Variants in AAK1 observed in about 807,000 individuals in gnomAD.
AAK1 encodes the protein AP2-associated protein kinase 1.
Under a neutral mutation model 116.0 loss-of-function variants are expected in AAK1, and 37 were observed. That is an observed-to-expected ratio of 0.32 (90% CI 0.25 to 0.42). The LOEUF is 0.42. Ranked by LOEUF, AAK1 falls within the 10% of genes least tolerant of loss-of-function variation. The pLI is 1.00. For synonymous variants in AAK1, 458 were observed against 439.9 expected, an observed-to-expected ratio of 1.04 and a Z score of -0.51; for missense variants, 919 against 1,170.6, an observed-to-expected ratio of 0.79 and a Z score of 3.14.
chr2:69,472,506 A>C lies in AAK1; in HGVS notation c.*3363T>G. 1.5e-6 allele frequency: 1 copy of C among 665,208 alleles called. No individual in the cohort carries two copies. Among genetic ancestry groups the C allele is most frequent in the Non-Finnish European group, 1.9e-6 (1 of 537,738 alleles). 41.2% of individuals were successfully genotyped at this position (665,208 alleles called of 1,614,324 possible). On this transcript the variant is annotated 3_prime_UTR_variant, in exon 22 of 22. Transcript: ENST00000409085. Reference sequence around the variant, plus strand: ...AAAACTAGATGACATTGAGGGGAACAACACTTAATTAGATGTCAAAATTCT... The same window carrying C: ...AAAACTAGATGACATTGAGGGGAACCACACTTAATTAGATGTCAAAATTCT...
chr2:69,470,022 A>G lies in AAK1; in HGVS notation c.*5847T>C. ...AACCCAAAGTGCTGAATCATTTAGG[A>G]TGGGTTTCCCCTGGAAACTCCATCT... On this transcript the variant is annotated 3_prime_UTR_variant, in exon 22 of 22. Coordinates refer to ENST00000409085, the MANE Select transcript of AAK1 (RefSeq NM_014911.5). 1.0e-6 allele frequency: 1 copy of G among 985,430 alleles called. No homozygotes were observed. The highest frequency in any genetic ancestry group is 1.2e-6 in the Non-Finnish European group (1 of 829,926). 61.0% of individuals were successfully genotyped at this position (985,430 alleles called of 1,614,324 possible).
intron 3 of AAK1, among the ~76,000 whole-genome samples, chr2:69,546,216 A>T (rs1356234173): frequency 1.3e-5 from 2 of 152,214 alleles, no homozygotes; most frequent in Non-Finnish European, 2.9e-5. Context: ...TTTTTGGTAG[A>T]GAACAAGGTC....
intron 2 of AAK1, among the ~76,000 whole-genome samples, chr2:69,558,049 C>T (rs146255807): frequency 0.011 from 1,655 of 152,232 alleles, 35 homozygotes; most frequent in African/African-American, 0.038. Context: ...AATTCATTAA[C>T]AGAAATATAT....
At chr2:69,487,470 G>T (rs777717803) in intron 17 of AAK1, among the ~76,000 whole-genome samples, 1 of 152,116 alleles carries the variant, frequency 6.6e-6, no homozygotes. Flanking sequence ...CATCAATCAC[G>T]CTTCACATCA....
chr2:69,481,037 A>T, intron 18 of AAK1, 76 bp from the exon 19 acceptor site: 1 of 1,229,108 alleles, frequency 8.1e-7, no homozygotes, highest in Non-Finnish European at 1.1e-6. Flanking sequence ...AATTCTGTGA[A>T]GCTTTCTTCT....
chr2:69,531,703 T>A, intron 6 of AAK1: 1 of 1,035,694 alleles, frequency 9.7e-7, no homozygotes, highest in East Asian at 8.2e-5. Flanking sequence ...GTTGTTGTGA[T>A]CATACTTAAA....
In AAK1 at chr2:69,466,184, T is replaced by G. The variant is rs193001280; in HGVS notation, c.*9685A>C. The G allele has an allele frequency of 7.5e-4, 967 of 1,289,864 alleles. 2 individuals are homozygous for G. Among genetic ancestry groups the G allele is most frequent in the Non-Finnish European group, 9.4e-4 (933 of 988,874 alleles). 79.9% of individuals were successfully genotyped at this position (1,289,864 alleles called of 1,614,324 possible). On this transcript the variant is annotated 3_prime_UTR_variant, in exon 22 of 22. Transcript: ENST00000409085. ...TGAAGGCTTGAAACTGGTTCTTTCT[T>G]CCACCTTGCACTGTCTTTGCTTGCT... is the stretch of plus-strand genomic sequence containing the variant.
At chr2:69,545,172 G>A in intron 3 of AAK1, among the ~76,000 whole-genome samples, 1 of 152,182 alleles carries the variant, frequency 6.6e-6, no homozygotes, top group East Asian at 1.9e-4. Context: ...GGAACTGCAT[G>A]TGATCTCTTA....
chr2:69,476,867 T>A lies in AAK1; in HGVS notation c.2791+13A>T. 6.3e-7 allele frequency: 1 copy of A among 1,599,218 alleles called. No homozygotes were observed. Among genetic ancestry groups the A allele is most frequent in the South Asian group, 1.1e-5 (1 of 90,210 alleles). ...AGGCCAAGCTCTTCTCTTTTCCCCA[T>A]CCTTTTTCTTACCTTGTGGGTTTTT... On this transcript the variant is annotated intron_variant, in intron 21 of 21. Coordinates refer to ENST00000409085, the MANE Select transcript of AAK1 (RefSeq NM_014911.5).
At chr2:69,595,799 G>A (rs139996118) in intron 2 of AAK1, among the ~76,000 whole-genome samples, 4,319 of 152,326 alleles carry the variant, frequency 0.028, 214 homozygotes, top group African/African-American at 0.098. Context: ...TGCCATCTAA[G>A]ACTTTCATAG....
chr2:69,467,647 T>C lies in AAK1; in HGVS notation c.*8222A>G, dbSNP rs560342290. The C allele has an allele frequency of 7.1e-6, 7 of 985,424 alleles. No homozygotes were observed. In the African/African-American group the frequency reaches 1.2e-4, roughly 17 times the overall value. The allele number at this position is 985,424 out of a possible 1,614,324, so 61.0% of individuals were successfully genotyped here. On this transcript the variant is annotated 3_prime_UTR_variant, in exon 22 of 22. Transcript: ENST00000409085. ...AGCCATAGATGACCCAGAACCTCTG[T>C]AGAGATGGAACTCAATGATCCCCTT...
chr2:69,495,169 C>T (rs1405803991), intron 17 of AAK1, among the ~76,000 whole-genome samples: 15 of 152,158 alleles, frequency 9.9e-5, no homozygotes, highest in Non-Finnish European at 2.9e-5. Flanking sequence ...AAGAGACTGA[C>T]AGATAAGAGA....
In AAK1 at chr2:69,567,716, C is replaced by G. The variant is rs375100935; in HGVS notation, c.164-10738G>C. Among the ~76,000 whole-genome samples the G allele has an allele frequency of 2.0e-5, 3 of 152,126 alleles. No individual in the cohort carries two copies. The East Asian group carries it at 5.8e-4, about 29-fold the overall frequency. On this transcript the variant is annotated intron_variant, in intron 2 of 21. Transcript: ENST00000409085. ...GTAGAAAAACCCTGCACTGCTCAGC[C>G]TGGCACAACTGAGCAGTGTGAGACA...
At chr2:69,587,398 CATATATACACATGTGT>C (rs1672828806) in intron 2 of AAK1, among the ~76,000 whole-genome samples, 1 of 149,284 alleles carries the variant, frequency 6.7e-6, no homozygotes, top group African/African-American at 2.5e-5. Flanking sequence ...CACGTGTGTA[CATATATACACATGTGT>C]ATATATACAC....
At position 69,466,842 on chromosome 2, in the gene AAK1, C is replaced by T; in HGVS notation, c.*9027G>A. 1.0e-6 allele frequency: 1 copy of T among 985,376 alleles called. No individual in the cohort carries two copies. Among genetic ancestry groups the T allele is most frequent in the Non-Finnish European group, 1.2e-6 (1 of 829,926 alleles). The allele number at this position is 985,376 out of a possible 1,614,324, so 61.0% of individuals were successfully genotyped here. On this transcript the variant is annotated 3_prime_UTR_variant, in exon 22 of 22. Coordinates refer to ENST00000409085, the MANE Select transcript of AAK1 (RefSeq NM_014911.5). ...CTATGCAATGCTCCTACACACAGGG[C>T]CAGGCACGGACACCTGCTCTACCTG...
At chr2:69,609,040 C>T (rs912791944) in intron 2 of AAK1, among the ~76,000 whole-genome samples, 9 of 152,222 alleles carry the variant, frequency 5.9e-5, no homozygotes, top group African/African-American at 1.7e-4. Context: ...TCAATACTAT[C>T]CAAAGCAATC....
chr2:69,576,766 T>A (rs1038492937), intron 2 of AAK1, among the ~76,000 whole-genome samples: 3 of 152,198 alleles, frequency 2.0e-5, no homozygotes, highest in African/African-American at 7.2e-5. Flanking sequence ...TTTCCGTATA[T>A]GCCTAGAAAA....
At chr2:69,497,955 C>T (rs1039116672) in intron 16 of AAK1, among the ~76,000 whole-genome samples, 3 of 152,122 alleles carry the variant, frequency 2.0e-5, no homozygotes, top group Non-Finnish European at 4.4e-5. Flanking sequence ...CCCTCAGTGC[C>T]GATGTCACCC....
chr2:69,563,866 C>T (rs1305840002), intron 2 of AAK1, among the ~76,000 whole-genome samples: 1 of 152,194 alleles, frequency 6.6e-6, no homozygotes, highest in African/African-American at 2.4e-5. Flanking sequence ...GTTGCTGGAT[C>T]TCTCTGGCCT....
Sources: allele counts gnomAD v4.1 joint callset (sites outside exome capture counted in the v4.1 genomes callset), GRCh38; gene constraint gnomAD v4.1.1; transcripts MANE v1.5; gene names NCBI Gene and HGNC (gene_info 2026-07-23, HGNC 2026-07-21).